SBF1: variants seen among roughly 807,000 people sequenced by gnomAD.
The protein encoded by SBF1 is myotubularin-related protein 5.
Under a neutral mutation model 215.8 loss-of-function variants are expected in SBF1, and 65 were observed. The observed-to-expected ratio is 0.30, with a 90% CI of 0.25 to 0.37. The LOEUF (loss-of-function observed/expected upper bound fraction) is 0.37. Among genes scored for constraint, SBF1 ranks in the 10% least tolerant of loss-of-function variants. SBF1 has a pLI of 1.00. For missense variants in SBF1, 2,634 were observed against 2,667.8 expected, an observed-to-expected ratio of 0.99 and a Z score of 0.28; for synonymous variants, 1,410 against 1,122.8, an observed-to-expected ratio of 1.26 and a Z score of -5.11.
Position 50,456,399 on chromosome 22 carries a change from A to G in SBF1, c.4087-4T>C, listed in dbSNP as rs755057390. 6.2e-7 allele frequency: 1 copy of G among 1,611,716 alleles called. No individual in the cohort carries two copies. The highest frequency in any genetic ancestry group is 8.5e-7 in the Non-Finnish European group (1 of 1,179,812). ...GCAGGGGGTCTGACCGCACACCCTG[A>G]AAAGAATCCGGACAAGTCCCGTGAG... is the stretch of plus-strand genomic sequence containing the variant. On this transcript the variant is annotated splice_polypyrimidine_tract_variant and splice_region_variant and intron_variant, in intron 30 of 40. Transcript: ENST00000380817.
Position 50,467,891 on chromosome 22 carries a change from G to C in SBF1, c.174C>G (p.Pro58=). 6.2e-7 allele frequency: 1 copy of C among 1,613,930 alleles called. No homozygotes were observed. Among genetic ancestry groups the C allele is most frequent in the Non-Finnish European group, 8.5e-7 (1 of 1,179,956 alleles). The change falls in exon 3 of 41, where the codon CCC becomes CCG. Residue 58 remains proline (P), a synonymous_variant. Transcript: ENST00000380817. ...CAAAGAAGGTCGGTGGATTCCTCTC[G>C]GGACACAGCTGCCACCCGCTGGGCT... The part of the protein sequence containing the change: ...FCQPSGWQLC[P]ERNPPTFFVA...
At chr22:50,456,029 TG>T in intron 31 of SBF1, 186 bp downstream of exon 31, 1 of 645,234 alleles carries the variant, frequency 1.5e-6, no homozygotes, top group Non-Finnish European at 2.6e-6. Context: ...CACTGTCAGC[TG>T]GCCCCAGCCA....
chr22:50,465,043 T>C lies in SBF1; in HGVS notation c.1290A>G (p.Ser430=), dbSNP rs1443918929. Reference sequence around the variant, plus strand: ...TAGGGCGGTATGGGACCCCACGCTCTGACACAAAGCCAGCAAAGGCCATGC... The same window carrying C: ...TAGGGCGGTATGGGACCCCACGCTCCGACACAAAGCCAGCAAAGGCCATGC... ...LEGMAFAGFV[S]ERGVPYRPTD... Residue 430 remains serine (S), a synonymous_variant, in exon 12 of 41, where the codon TCA becomes TCG. Transcript: ENST00000380817. 6.2e-7 allele frequency: 1 copy of C among 1,613,960 alleles called. No homozygotes were observed. Among genetic ancestry groups the C allele is most frequent in the Admixed American group, 1.7e-5 (1 of 59,990 alleles).
At chr22:50,472,480 G>A (rs752927180) in intron 1 of SBF1, among the ~76,000 whole-genome samples, 2 of 152,204 alleles carry the variant, frequency 1.3e-5, no homozygotes, top group Non-Finnish European at 2.9e-5. Flanking sequence ...TGTTGTGTCT[G>A]TGCCTAGAGA....
rs764238173 is a variant in SBF1 at position 50,466,178 on chromosome 22, G to A, written c.869C>T (p.Ala290Val). 95 of 1,613,378 alleles carry A rather than the reference G, an allele frequency of 5.9e-5. No homozygotes were observed. The highest frequency in any genetic ancestry group is 7.6e-5 in the Non-Finnish European group (90 of 1,180,048). Reference protein sequence around the residue: ...TPTPFIIGVNAAFQAETQELL... With the variant: ...TPTPFIIGVNVAFQAETQELL... ...CTCCTGGGTCTCTGCCTGGAAGGCC[G>A]CGTTGACCCCAATGATGAAGGGCGT... The change falls in exon 8 of 41, where the codon GCG becomes GTG. Residue 290 changes from alanine (A) to valine (V), a missense_variant. Coordinates refer to ENST00000380817, the MANE Select transcript of SBF1 (RefSeq NM_002972.4).
chr22:50,465,477 C>T, intron 10 of SBF1, 149 bp from the exon 11 acceptor site: 1 of 728,334 alleles, frequency 1.4e-6, no homozygotes, highest in Non-Finnish European at 2.3e-6. Context: ...GGGCCACCAG[C>T]TCCTCTGAAA....
In SBF1 at chr22:50,456,345, T is replaced by C. The variant is rs371688783; in HGVS notation, c.4137A>G (p.Val1379=). Residue 1379 remains valine, a synonymous_variant, in exon 31 of 41, where the codon GTA becomes GTG. Transcript: ENST00000380817. The stretch of plus-strand genomic sequence containing the variant: ...TAGCCTTCACCTGCCGTGCCTCGAA[T>C]ACCTCAATGGGCACCAGCTCCCACT... ...LQQWELVPIE[V]FEARQVKASF... The C allele has an allele frequency of 3.7e-6, 6 of 1,613,352 alleles. No individual in the cohort carries two copies. The highest frequency in any genetic ancestry group is 1.7e-5 in the Admixed American group (1 of 60,030).
rs373534319 is a variant in SBF1, at chr22:50,447,398, G to C, written c.5507C>G (p.Ala1836Gly). The change falls in exon 40 of 41, where the codon GCG (alanine) becomes GGG (glycine). Residue 1836 changes from alanine (A) to glycine (G), a missense_variant. Transcript: ENST00000380817. ...DTECKGVIDL[A>G]EVEAVAPGTP... ...GCCAGGTGCCACAGCCTCCACCTCC[G>C]CCAAGTCGATGACACCCTTGCACTC... The C allele has an allele frequency of 2.1e-4, 331 of 1,613,760 alleles. No homozygotes were observed. Among genetic ancestry groups the C allele is most frequent in the Non-Finnish European group, 2.7e-4 (321 of 1,179,916 alleles).
At chr22:50,454,778 G>A (rs773601965) in intron 35 of SBF1, 36 bp from the exon 36 acceptor site, 1 of 1,606,112 alleles carries the variant, frequency 6.2e-7, no homozygotes, top group Non-Finnish European at 8.5e-7. Context: ...CCTGGGTCGG[G>A]CAGGAGCCGC....
chr22:50,466,254 T>C lies in SBF1; in HGVS notation c.793A>G (p.Thr265Ala). ...TGAGCCGGCAGGATGGGCACATAGGTGAAGCTGTGCAGGCCCCAGAGGATG... is the reference window on the plus strand; with the variant it reads ...TGAGCCGGCAGGATGGGCACATAGGCGAAGCTGTGCAGGCCCCAGAGGATG... Reference protein sequence around the residue: ...ALLFPLRYSFTYVPILPAQLL... With the variant: ...ALLFPLRYSFAYVPILPAQLL... Residue 265 changes from threonine (T) to alanine (A), a missense_variant, in exon 8 of 41, where the codon ACC becomes GCC. Coordinates refer to ENST00000380817, the MANE Select transcript of SBF1 (RefSeq NM_002972.4). The C allele has an allele frequency of 6.2e-7, 1 of 1,613,116 alleles. No individual in the cohort carries two copies.
Position 50,460,273 on chromosome 22 carries a change from T to C in SBF1, c.3282A>G (p.Ser1094=). 1 of 1,588,824 alleles carries C rather than the reference T, an allele frequency of 6.3e-7. No homozygotes were observed. Among genetic ancestry groups the C allele is most frequent in the African/African-American group, 1.3e-5 (1 of 74,532 alleles). Residue 1094 remains serine (S), a splice_region_variant and synonymous_variant, in exon 25 of 41, where the codon TCA becomes TCG. Transcript: ENST00000380817. Reference sequence around the variant, plus strand: ...AGGACTCCACCCCCACCCCTCCACCTGAGATCTCGTCCTCCTGGTCCTCAG... The same window carrying C: ...AGGACTCCACCCCCACCCCTCCACCCGAGATCTCGTCCTCCTGGTCCTCAG... ...PPPEDQEDEI[S]VSEELEPSTL...
chr22:50,466,572 G>A (rs2067767180), intron 6 of SBF1, 33 bp downstream of exon 6: 4 of 1,534,696 alleles, frequency 2.6e-6, no homozygotes, highest in East Asian at 2.5e-5. Flanking sequence ...TCCCCGAGGG[G>A]AAGCCATGCG....
rs544063033 is a variant in SBF1 at position 50,467,465 on chromosome 22, G to A, written c.439-17C>T. On this transcript the variant is annotated splice_polypyrimidine_tract_variant and intron_variant, in intron 4 of 40. Coordinates refer to ENST00000380817, the MANE Select transcript of SBF1 (RefSeq NM_002972.4). ...AAGGCTGTTCTGCAATGACCAGAGC[G>A]GGGAGTGGTGGGACAGCCGATGGAA... The A allele has an allele frequency of 2.4e-5, 39 of 1,614,014 alleles. No individual in the cohort carries two copies. The East Asian group carries it at 3.3e-4, about 14-fold the overall frequency.
At chr22:50,466,933 G>A in intron 5 of SBF1, 1 of 564,718 alleles carries the variant, frequency 1.8e-6, no homozygotes, top group Non-Finnish European at 3.1e-6. Context: ...TGACTTGGGG[G>A]TAGGGATGGG....
At chr22:50,459,698 G>C (rs2067417828) in intron 26 of SBF1, 32 bp from the exon 27 acceptor site, 1 of 1,564,140 alleles carries the variant, frequency 6.4e-7, no homozygotes, top group Non-Finnish European at 8.6e-7. Context: ...AAGGTGGCTG[G>C]CGACCCCACC....
intron 28 of SBF1, among the ~76,000 whole-genome samples, chr22:50,458,427 A>C (rs963538784): frequency 2.6e-5 from 4 of 151,918 alleles, no homozygotes; most frequent in Non-Finnish European, 4.4e-5. Flanking sequence ...AGCCACTGGC[A>C]CTGGGGATGG....
intron 1 of SBF1, among the ~76,000 whole-genome samples, chr22:50,472,990 C>T (rs1603435670): frequency 6.6e-6 from 1 of 152,294 alleles, no homozygotes; most frequent in East Asian, 1.9e-4. Context: ...GCACCTTGGG[C>T]TCCAGCCTTC....
In SBF1 at chr22:50,461,630, T is replaced by A. The variant is rs2067517330; in HGVS notation, c.2732A>T (p.Glu911Val). The change falls in exon 22 of 41, where the codon GAG becomes GTG. Residue 911 changes from glutamate (E) to valine (V), a missense_variant. Physicochemically the swap from Glu to Val is moderately radical, Grantham distance 121. Coordinates refer to ENST00000380817, the MANE Select transcript of SBF1 (RefSeq NM_002972.4). The stretch of plus-strand genomic sequence containing the variant: ...TCCCCCAGCACTGCCCCCCGCGCCC[T>A]CCTCACGCCCATCCGGCAGCAGGTA... ...RVYLLPDGRE[E>V]GAGGSAGGPA... The A allele has an allele frequency of 6.2e-7, 1 of 1,611,338 alleles. No homozygotes were observed. Among genetic ancestry groups the A allele is most frequent in the South Asian group, 1.1e-5 (1 of 91,032 alleles).
In SBF1 at chr22:50,456,957, C is replaced by T. The variant is rs560219375; in HGVS notation, c.3904+77G>A. 1.2e-5 allele frequency: 14 copies of T among 1,205,636 alleles called. No individual in the cohort carries two copies. In the East Asian group the frequency reaches 1.8e-4, roughly 15 times the overall value. The allele number at this position is 1,205,636 out of a possible 1,614,324, so 74.7% of individuals were successfully genotyped here. On this transcript the variant is annotated intron_variant, in intron 29 of 40. Coordinates refer to ENST00000380817, the MANE Select transcript of SBF1 (RefSeq NM_002972.4). ...AGGTGTGGAGGGAGACATTAGTGCC[C>T]GCAATAACTCAGTGCACACTAGAGG...
Sources: gnomAD v4.1 joint callset for allele counts (sites outside exome capture counted in the v4.1 genomes callset) on GRCh38, gnomAD v4.1.1 for gene constraint, MANE v1.5 for transcripts, NCBI Gene and HGNC (gene_info 2026-07-23, HGNC 2026-07-21) for gene names.